Variants in ZC3H11A observed in about 807,000 individuals in gnomAD.
The protein encoded by ZC3H11A is zinc finger CCCH domain-containing protein 11A.
ZC3H11A carries 22 observed loss-of-function variants against 90.8 expected under a neutral mutation model. That is an observed-to-expected ratio of 0.24 (90% CI 0.17 to 0.35). The LOEUF (loss-of-function observed/expected upper bound fraction) is 0.35, where lower values mean the gene tolerates loss of function less well. Among genes scored for constraint, ZC3H11A ranks in the 10% least tolerant of loss-of-function variants. The pLI is 1.00. For missense variants in ZC3H11A, 701 were observed against 964.9 expected (o/e 0.73, Z 3.62); for synonymous variants, 294 against 339.8 (o/e 0.87, Z 1.48).
chr1:203,797,559 C>T, intron 1 of ZC3H11A: 1 of 1,528,138 alleles, frequency 6.5e-7, no homozygotes, highest in Non-Finnish European at 8.7e-7. Flanking sequence ...AGTTTCTTCA[C>T]TCTCTCCTGG....
intron 4 of ZC3H11A, among the ~76,000 whole-genome samples, chr1:203,826,368 TTGA>T (rs1680533203): frequency 6.7e-6 from 1 of 148,878 alleles, no homozygotes; most frequent in Non-Finnish European, 1.5e-5. Context: ...TAAATAAATA[TTGA>T]TTAATAATAA....
Position 203,849,709 on chromosome 1 carries a change from A to G in ZC3H11A, c.1624-2A>G. The G allele has an allele frequency of 6.2e-7, 1 of 1,613,340 alleles. No individual in the cohort carries two copies. Among genetic ancestry groups the G allele is most frequent in the Non-Finnish European group, 8.5e-7 (1 of 1,179,594 alleles). ...AATTCTGTCATTCAAATTTATCCAC[A>G]GGCTTCAGGTGAGACCACAGGAGTT... On this transcript the variant is annotated splice_acceptor_variant, in intron 14 of 17. Coordinates refer to ENST00000367210, the MANE Select transcript of ZC3H11A (RefSeq NM_001376342.1). LOFTEE classifies it high-confidence loss of function.
intron 1 of ZC3H11A, 132 bp from the exon 2 acceptor site, chr1:203,801,443 T>C (rs1410386043): frequency 1.3e-5 from 2 of 152,270 alleles, no homozygotes; most frequent in Admixed American, 6.5e-5. Context: ...TTAAGATCCC[T>C]TTCTACTCTG....
rs546516988 is a variant in ZC3H11A at position 203,831,070 on chromosome 1, G to A, written c.701-591G>A. Among the ~76,000 whole-genome samples, 9 of 150,230 alleles carry A rather than the reference G, an allele frequency of 6.0e-5. No homozygotes were observed. In the South Asian group the frequency reaches 8.4e-4, roughly 14 times the overall value. ...AGCTATTCTGCTGCCTCAGCCTCCT[G>A]AGTAGCTGGGATTACAGGCATGCGC... is the stretch of plus-strand genomic sequence containing the variant. On this transcript the variant is annotated intron_variant, in intron 8 of 17. Transcript: ENST00000367210.
chr1:203,797,525 G>A lies in ZC3H11A; in HGVS notation c.-1588+1731G>A, dbSNP rs567831230. 15 of 1,496,618 alleles carry A rather than the reference G, an allele frequency of 1.0e-5. No homozygotes were observed. In the Admixed American group the frequency reaches 3.1e-4, roughly 31 times the overall value. The allele number at this position is 1,496,618 out of a possible 1,614,324, so 92.7% of individuals were successfully genotyped here. On this transcript the variant is annotated intron_variant, in intron 1 of 17. Coordinates refer to ENST00000367210, the MANE Select transcript of ZC3H11A (RefSeq NM_001376342.1). ...CGAATTGTGGAGACATAAAGAGAAT[G>A]AGTGTATGTACTCTAAGTGTACCAG...
intron 4 of ZC3H11A, among the ~76,000 whole-genome samples, chr1:203,827,309 T>C (rs1680837176): frequency 6.6e-6 from 1 of 152,140 alleles, no homozygotes; most frequent in Non-Finnish European, 1.5e-5. Flanking sequence ...ACATACATCC[T>C]ATGATTCAGC....
At chr1:203,836,497 C>T (rs566530968) in intron 10 of ZC3H11A, among the ~76,000 whole-genome samples, 1 of 152,186 alleles carries the variant, frequency 6.6e-6, no homozygotes, top group Admixed American at 6.6e-5. Context: ...CGCCTGTAAT[C>T]CCAGCACTTT....
At position 203,851,968 on chromosome 1, in the gene ZC3H11A, C is replaced by CA. The variant is rs57160781; in HGVS notation, c.2175-146dup. Among the ~76,000 whole-genome samples, 91 of 45,850 alleles carry CA rather than the reference C, an allele frequency of 2.0e-3. 1 individual carries two copies. The highest frequency in any genetic ancestry group is 2.3e-3 in the Non-Finnish European group (67 of 28,556). 30.1% of individuals were successfully genotyped at this position (45,850 alleles called of 152,430 possible). A position where few individuals can be genotyped will look rare whatever the true frequency, so the allele number is the denominator to read the frequency against. On this transcript the variant is annotated intron_variant, in intron 17 of 17. Transcript: ENST00000367210. ...TGGGTGACAAAGGGAGACTCTGCCTCAAAAAAAAAAAAAAAAAAAAAAAAA... is the reference window on the plus strand; with the variant it reads ...TGGGTGACAAAGGGAGACTCTGCCTCAAAAAAAAAAAAAAAAAAAAAAAAAA...
At chr1:203,822,575 C>G (rs1052776890) in intron 4 of ZC3H11A, among the ~76,000 whole-genome samples, 5 of 152,118 alleles carry the variant, frequency 3.3e-5, no homozygotes, top group African/African-American at 1.2e-4. Flanking sequence ...AATACCCTGC[C>G]TTCCTAACCC....
At chr1:203,825,126 G>A (rs1027277626) in intron 4 of ZC3H11A, among the ~76,000 whole-genome samples, 2 of 149,350 alleles carry the variant, frequency 1.3e-5, no homozygotes, top group Non-Finnish European at 3.0e-5. Context: ...CTTTGTTCAA[G>A]TGTGAGTTAC....
intron 12 of ZC3H11A, 123 bp from the exon 13 acceptor site, chr1:203,847,061 T>C: frequency 9.2e-7 from 1 of 1,089,384 alleles, no homozygotes. Context: ...CTTTTGATCC[T>C]TTTAATTGCC....
intron 2 of ZC3H11A, among the ~76,000 whole-genome samples, chr1:203,810,868 C>A (rs1203064374): frequency 1.3e-5 from 2 of 151,782 alleles, no homozygotes; most frequent in Non-Finnish European, 2.9e-5. Context: ...CAGACGCTCA[C>A]GCCTGTAATC....
At position 203,828,489 on chromosome 1, in the gene ZC3H11A, A is replaced by G. The variant is rs1681276110; in HGVS notation, c.298+67A>G. 8 of 1,527,618 alleles carry G rather than the reference A, an allele frequency of 5.2e-6. No individual in the cohort carries two copies. In the South Asian group the frequency reaches 9.7e-5, roughly 19 times the overall value. The allele number at this position is 1,527,618 out of a possible 1,614,324, so 94.6% of individuals were successfully genotyped here. On this transcript the variant is annotated intron_variant, in intron 5 of 17. Transcript: ENST00000367210. ...CCTATTATGCACACTGTACAACAGT[A>G]CTTTTCAGACATTGACTCCTTTCAG...
intron 2 of ZC3H11A, among the ~76,000 whole-genome samples, chr1:203,810,803 T>A (rs926439736): frequency 8.5e-5 from 13 of 152,170 alleles, no homozygotes; most frequent in Admixed American, 3.3e-4. Context: ...TTCTCCACAC[T>A]CTGCCCAACT....
chr1:203,822,236 A>G lies in ZC3H11A; in HGVS notation c.174+3547A>G, dbSNP rs567863848. ...ATACTTTTATTTATTTGATCAGTCT[A>G]CTAGTATAAAAACCAATATTGTGTC... On this transcript the variant is annotated intron_variant, in intron 4 of 17. Transcript: ENST00000367210. Among the ~76,000 whole-genome samples, 6 of 152,180 alleles carry G rather than the reference A, an allele frequency of 3.9e-5. 1 individual carries two copies. Among genetic ancestry groups the G allele is most frequent in the African/African-American group, 1.4e-4 (6 of 41,498 alleles).
intron 9 of ZC3H11A, 75 bp downstream of exon 9, chr1:203,831,846 C>G: frequency 8.3e-7 from 1 of 1,201,374 alleles, no homozygotes; most frequent in Non-Finnish European, 1.2e-6. Flanking sequence ...CCTTGGGTAT[C>G]TTTTACCTTT....
chr1:203,847,841 T>C (rs557390723), intron 13 of ZC3H11A, among the ~76,000 whole-genome samples, 154 bp downstream of exon 13: 1 of 152,310 alleles, frequency 6.6e-6, no homozygotes, highest in East Asian at 1.9e-4. Context: ...TAGTGCTATG[T>C]AGACCTATGC....
At chr1:203,820,793 C>G (rs868313309) in intron 4 of ZC3H11A, among the ~76,000 whole-genome samples, 1 of 152,042 alleles carries the variant, frequency 6.6e-6, no homozygotes, top group Non-Finnish European at 1.5e-5. Context: ...ATTTTTGTTG[C>G]ATATCATCCC....
chr1:203,829,427 T>A (rs768939283), intron 5 of ZC3H11A, 24 bp from the exon 6 acceptor site: 65 of 1,613,534 alleles, frequency 4.0e-5, no homozygotes, highest in Non-Finnish European at 5.0e-5. Context: ...TGTTTTTAAT[T>A]TATGACTGAT....
Sources: allele counts gnomAD v4.1 joint callset (sites outside exome capture counted in the v4.1 genomes callset), GRCh38; gene constraint gnomAD v4.1.1; transcripts MANE v1.5; gene names NCBI Gene and HGNC (gene_info 2026-07-23, HGNC 2026-07-21).